The following CUBN variants were observed in gnomAD, a reference collection of about 807,000 sequenced individuals.
The protein encoded by CUBN is 460 kDa receptor.
Under a neutral mutation model 405.3 loss-of-function variants are expected in CUBN, and 282 were observed. The observed-to-expected ratio is 0.70, with a 90% CI of 0.63 to 0.77. The LOEUF (loss-of-function observed/expected upper bound fraction) is 0.77, where lower values mean the gene tolerates loss of function less well. CUBN is among the 30% of genes least tolerant of loss of function. The probability of loss-of-function intolerance (pLI) is 0.00; values close to 1 mark genes in which losing one functional copy is unlikely to be tolerated. For synonymous variants in CUBN, 1,684 were observed against 1,617.0 expected (o/e 1.04, Z -0.99); for missense variants, 4,514 against 4,475.2 (o/e 1.01, Z -0.25).
intron 59 of CUBN, among the ~76,000 whole-genome samples, chr10:16,852,297 TTCCCTCCCTCCATCTTTCCA>T: frequency 8.2e-6 from 1 of 122,072 alleles, no homozygotes; most frequent in Non-Finnish European, 1.7e-5. Flanking sequence ...CACTCTATCT[TTCCCTCCCTCCATCTTTCCA>T]TCCCTCCCTC....
intron 6 of CUBN, among the ~76,000 whole-genome samples, chr10:17,117,402 T>A (rs1161524577): frequency 1.3e-5 from 2 of 151,906 alleles, no homozygotes; most frequent in Admixed American, 1.3e-4. Context: ...TGAGATGGAG[T>A]CTCACTCTGT....
At chr10:16,834,430 CAG>C (rs1247184813) in intron 64 of CUBN, among the ~76,000 whole-genome samples, 3 of 152,094 alleles carry the variant, frequency 2.0e-5, no homozygotes, top group Admixed American at 2.0e-4. Context: ...GATGGGCAAA[CAG>C]TGAAGTCATT....
chr10:16,998,384 T>A (rs1347263481), intron 28 of CUBN, among the ~76,000 whole-genome samples: 1 of 151,792 alleles, frequency 6.6e-6, no homozygotes, highest in Non-Finnish European at 1.5e-5. Context: ...GAGTTATGCA[T>A]CTACAAGGCT....
In CUBN at chr10:17,122,396, G is replaced by A; in HGVS notation, c.593+399C>T. 8 of 311,132 alleles carry A rather than the reference G, an allele frequency of 2.6e-5. 1 individual carries two copies. Among genetic ancestry groups the A allele is most frequent in the South Asian group, 2.5e-4 (8 of 32,180 alleles). 19.3% of individuals were successfully genotyped at this position (311,132 alleles called of 1,614,324 possible). ...AAAACTATGAGCTTGCTAATACATGGAAAGAGTACAGCTGGGGACACTGGT... is the reference window on the plus strand; with the variant it reads ...AAAACTATGAGCTTGCTAATACATGAAAAGAGTACAGCTGGGGACACTGGT... On this transcript the variant is annotated intron_variant, in intron 6 of 66. Transcript: ENST00000377833.
At chr10:16,999,552 A>T (rs936763115) in intron 28 of CUBN, among the ~76,000 whole-genome samples, 1 of 152,230 alleles carries the variant, frequency 6.6e-6, no homozygotes, top group Non-Finnish European at 1.5e-5. Context: ...AAATGATTGA[A>T]GACTTCTAAA....
At chr10:16,825,724 T>C (rs1838757158) in intron 66 of CUBN, among the ~76,000 whole-genome samples, 1 of 151,382 alleles carries the variant, frequency 6.6e-6, no homozygotes, top group Non-Finnish European at 1.5e-5. Context: ...TTCATTCATT[T>C]GGCAAATATT....
In CUBN at chr10:17,065,615, G is replaced by A; in HGVS notation, c.3032C>T (p.Pro1011Leu). The change falls in exon 22 of 67, where the codon CCA becomes CTA. Residue 1011 changes from proline to leucine, a missense_variant. This residue lies in a region of CUBN where 1,448 missense variants were observed against 1,388.0 expected (regional missense o/e 1.04). Coordinates refer to ENST00000377833, the MANE Select transcript of CUBN (RefSeq NM_001081.4). Reference sequence around the variant, plus strand: ...TGAGTTACCACTGCTTGTGAGAGATGGCGGGATCGACTTTCCACAGTATCT... The same window carrying A: ...TGAGTTACCACTGCTTGTGAGAGATAGCGGGATCGACTTTCCACAGTATCT... ...LGRYCGKSIP[P>L]SLTSSGNSLM... is the part of the protein sequence containing the mutation. The A allele has an allele frequency of 6.2e-7, 1 of 1,613,470 alleles. No homozygotes were observed. The highest frequency in any genetic ancestry group is 8.5e-7 in the Non-Finnish European group (1 of 1,179,556).
intron 30 of CUBN, among the ~76,000 whole-genome samples, chr10:16,983,767 T>C (rs1282094567): frequency 6.6e-6 from 1 of 152,220 alleles, no homozygotes; most frequent in Non-Finnish European, 1.5e-5. Context: ...GCAAGTTTGA[T>C]ATTTGCCAAG....
At chr10:16,873,635 T>A (rs1462284436) in intron 58 of CUBN, among the ~76,000 whole-genome samples, 1 of 149,882 alleles carries the variant, frequency 6.7e-6, no homozygotes, top group East Asian at 2.0e-4. Context: ...GGTAGGAGAA[T>A]CTCTTGAACC....
chr10:17,067,004 C>A (rs1835625538), intron 21 of CUBN, among the ~76,000 whole-genome samples: 1 of 152,084 alleles, frequency 6.6e-6, no homozygotes, highest in African/African-American at 2.4e-5. Context: ...AATGGATCAA[C>A]CTGTTTCCAA....
rs763596986 is a variant in CUBN at position 17,045,082 on chromosome 10, G to A, written c.3597C>T (p.His1199=). The change falls in exon 25 of 67, where the codon CAC becomes CAT. Residue 1199 remains histidine, a synonymous_variant. Coordinates refer to ENST00000377833, the MANE Select transcript of CUBN (RefSeq NM_001081.4). ...SECYWWLKSS[H]GSAFELEFKD... ...TGAATTCCAGTTCAAATGCGCTGCCGTGGCTAGATTTCAACCACCAGTAGC... is the reference window on the plus strand; with the variant it reads ...TGAATTCCAGTTCAAATGCGCTGCCATGGCTAGATTTCAACCACCAGTAGC... 2.5e-5 allele frequency: 41 copies of A among 1,613,958 alleles called. 1 individual carries two copies. The highest frequency in any genetic ancestry group is 4.4e-5 in the South Asian group (4 of 91,082).
intron 37 of CUBN, among the ~76,000 whole-genome samples, chr10:16,939,373 C>T (rs1374521107): frequency 6.6e-6 from 1 of 152,094 alleles, no homozygotes. Flanking sequence ...CCACAACTTC[C>T]CATGTGAAAA....
chr10:16,893,059 C>G (rs1841079248), intron 54 of CUBN, among the ~76,000 whole-genome samples: 1 of 152,100 alleles, frequency 6.6e-6, no homozygotes, highest in South Asian at 2.1e-4. Flanking sequence ...ATTTCATTGG[C>G]TATATGACAG....
chr10:17,110,281 C>G (rs994261780), intron 9 of CUBN, among the ~76,000 whole-genome samples: 8 of 152,162 alleles, frequency 5.3e-5, no homozygotes, highest in Non-Finnish European at 7.3e-5. Context: ...CAAAACAACT[C>G]AGGAGTGCAT....
At chr10:16,901,861 A>T (rs548658980) in intron 51 of CUBN, among the ~76,000 whole-genome samples, 20 of 142,286 alleles carry the variant, frequency 1.4e-4, no homozygotes, top group Admixed American at 7.6e-4. Flanking sequence ...TCAAAAAAAA[A>T]CCATATTATA....
intron 11 of CUBN, among the ~76,000 whole-genome samples, chr10:17,104,812 ATTT>A (rs10556050): frequency 1.7e-4 from 23 of 138,618 alleles, no homozygotes; most frequent in South Asian, 4.5e-4. Flanking sequence ...TATATATATA[ATTT>A]TTTTTTTTTT....
chr10:16,906,550 A>G lies in CUBN; in HGVS notation c.7706-141T>C. 4 of 683,164 alleles carry G rather than the reference A, an allele frequency of 5.9e-6. No homozygotes were observed. The South Asian group carries it at 6.8e-5, about 12-fold the overall frequency. The allele number at this position is 683,164 out of a possible 1,614,324, so 42.3% of individuals were successfully genotyped here. A position where few individuals can be genotyped will look rare whatever the true frequency, so the allele number is the denominator to read the frequency against. ...TCTAGATGCAGTCAAGCTTATGGGT[A>G]AAAGGCATGCAAATTATGGAAGTTT... is the stretch of plus-strand genomic sequence containing the variant. On this transcript the variant is annotated intron_variant, in intron 49 of 66. Transcript: ENST00000377833.
chr10:16,953,113 A>G (rs1397280787), intron 32 of CUBN, among the ~76,000 whole-genome samples: 2 of 152,180 alleles, frequency 1.3e-5, no homozygotes, highest in Non-Finnish European at 2.9e-5. Flanking sequence ...CGGGACAGAC[A>G]TTGAGCATTC....
chr10:17,069,892 T>G (rs760051118), intron 19 of CUBN, among the ~76,000 whole-genome samples: 2 of 152,188 alleles, frequency 1.3e-5, no homozygotes, highest in Non-Finnish European at 2.9e-5. Flanking sequence ...TTTGAGGAAG[T>G]TATTTTTCTT....
Sources: gnomAD v4.1 joint callset for allele counts (sites outside exome capture counted in the v4.1 genomes callset) on GRCh38, gnomAD v4.1.1 for gene constraint, gnomAD v4.1.1 regional missense constraint, MANE v1.5 for transcripts, NCBI Gene and HGNC (gene_info 2026-07-23, HGNC 2026-07-21) for gene names.